The following DENND1A variants were observed in gnomAD, a reference collection of about 807,000 sequenced individuals.
DENND1A encodes DENN domain-containing protein 1A.
A neutral mutation model predicts 113.7 loss-of-function variants in DENND1A; 51 were observed. The observed-to-expected ratio is 0.45, with a 90% CI of 0.36 to 0.57. The LOEUF is 0.57. Among genes scored for constraint, DENND1A ranks in the 20% least tolerant of loss-of-function variants. The pLI, the probability that DENND1A is intolerant of heterozygous loss-of-function variation, is 0.00. For missense variants in DENND1A, 1,258 were observed against 1,395.9 expected (o/e 0.90, Z 1.57); for synonymous variants, 565 against 570.8 (o/e 0.99, Z 0.14).
intron 11 of DENND1A, among the ~76,000 whole-genome samples, chr9:123,588,408 C>A (rs564760587): frequency 3.8e-4 from 57 of 151,460 alleles, no homozygotes; most frequent in African/African-American, 1.3e-3. Context: ...CACCTGAGGT[C>A]AGGAGTTCAA....
At chr9:123,748,297 ATTTCT>A (rs965948152) in intron 5 of DENND1A, among the ~76,000 whole-genome samples, 9 of 152,290 alleles carry the variant, frequency 5.9e-5, no homozygotes, top group Admixed American at 2.0e-4. Flanking sequence ...GGGATGAGAG[ATTTCT>A]TTTCTTTTCT....
chr9:123,756,779 G>A (rs1435092732), intron 5 of DENND1A, among the ~76,000 whole-genome samples: 1 of 152,216 alleles, frequency 6.6e-6, no homozygotes, highest in African/African-American at 2.4e-5. Flanking sequence ...TTGATGAGAA[G>A]AAGAAAGTGC....
intron 22 of DENND1A, among the ~76,000 whole-genome samples, chr9:123,385,782 G>A (rs1410358722): frequency 6.6e-6 from 1 of 152,182 alleles, no homozygotes; most frequent in Non-Finnish European, 1.5e-5. Context: ...ACCCGCAAGA[G>A]GTGGAAATGG....
At chr9:123,696,516 T>C (rs73665337) in intron 5 of DENND1A, among the ~76,000 whole-genome samples, 3,068 of 152,232 alleles carry the variant, frequency 0.02, 103 homozygotes, top group African/African-American at 0.071. Context: ...CTGAATAGAA[T>C]AAAGCATTAC....
intron 1 of DENND1A, among the ~76,000 whole-genome samples, chr9:123,920,225 G>GT (rs2134147506): frequency 6.6e-6 from 1 of 152,310 alleles, no homozygotes; most frequent in African/African-American, 2.4e-5. Flanking sequence ...GAGGTCAGGA[G>GT]TTTGAGACCA....
intron 3 of DENND1A, among the ~76,000 whole-genome samples, chr9:123,787,194 G>A (rs1355077495): frequency 6.6e-6 from 1 of 151,970 alleles, no homozygotes; most frequent in East Asian, 1.9e-4. Context: ...TTTATCATTT[G>A]TTTTATACTT....
chr9:123,574,172 C>A (rs1011087453), intron 12 of DENND1A, among the ~76,000 whole-genome samples: 2 of 125,194 alleles, frequency 1.6e-5, no homozygotes, highest in African/African-American at 3.1e-5. Flanking sequence ...TCTGTAGTTG[C>A]CTTTTTTTTT....
At chr9:123,416,610 C>T (rs1024395287) in intron 19 of DENND1A, among the ~76,000 whole-genome samples, 5 of 152,206 alleles carry the variant, frequency 3.3e-5, no homozygotes, top group Admixed American at 2.0e-4. Flanking sequence ...GGGCCTTTGG[C>T]GATCTTTTGC....
chr9:123,862,958 A>G (rs73669005), intron 2 of DENND1A, among the ~76,000 whole-genome samples: 2,877 of 152,294 alleles, frequency 0.019, 95 homozygotes, highest in African/African-American at 0.066. Flanking sequence ...AAATACATCA[A>G]ATGGGAATCT....
Position 123,408,190 on chromosome 9 carries a change from A to C in DENND1A, c.1542+3586T>G, listed in dbSNP as rs547808610. On this transcript the variant is annotated intron_variant, in intron 20 of 23. Coordinates refer to ENST00000394215, the MANE Select transcript of DENND1A (RefSeq NM_001352964.2). Reference sequence around the variant, plus strand: ...CCCAGCAAAGCCACACTGGAGGCTGATGGCTCCTGACATGGGAGCTTGGTA... The same window carrying C: ...CCCAGCAAAGCCACACTGGAGGCTGCTGGCTCCTGACATGGGAGCTTGGTA... Among the ~76,000 whole-genome samples the C allele has an allele frequency of 2.0e-5, 3 of 152,272 alleles. No individual in the cohort carries two copies. In the South Asian group the frequency reaches 6.2e-4, roughly 32 times the overall value.
intron 4 of DENND1A, among the ~76,000 whole-genome samples, chr9:123,760,520 C>T (rs1043181635): frequency 1.3e-5 from 2 of 152,124 alleles, no homozygotes; most frequent in African/African-American, 4.8e-5. Context: ...TTAAAAGCAA[C>T]GTGGTCATAA....
intron 9 of DENND1A, among the ~76,000 whole-genome samples, chr9:123,645,965 T>C (rs16926730): frequency 0.037 from 5,642 of 152,292 alleles, 127 homozygotes; most frequent in African/African-American, 0.061. Flanking sequence ...GCTTATCCGG[T>C]TGTCTTCATT....
intron 19 of DENND1A, among the ~76,000 whole-genome samples, chr9:123,433,436 G>C (rs1037955514): frequency 1.3e-5 from 2 of 152,150 alleles, no homozygotes; most frequent in Admixed American, 6.5e-5. Context: ...GTGTGAGCCT[G>C]TGTGTGTACA....
chr9:123,402,880 A>C (rs2043607495), intron 21 of DENND1A, among the ~76,000 whole-genome samples: 2 of 152,196 alleles, frequency 1.3e-5, no homozygotes, highest in South Asian at 4.1e-4. Context: ...GGTGCTGGGC[A>C]TAACACCCAG....
intron 22 of DENND1A, among the ~76,000 whole-genome samples, chr9:123,385,354 G>A (rs901319889): frequency 4.7e-4 from 72 of 152,202 alleles, no homozygotes; most frequent in Non-Finnish European, 7.9e-4. Flanking sequence ...TAGTAGAGAC[G>A]GGGTTTCACT....
At chr9:123,666,055 G>A (rs2063479541) in intron 8 of DENND1A, among the ~76,000 whole-genome samples, 1 of 152,208 alleles carries the variant, frequency 6.6e-6, no homozygotes, top group Non-Finnish European at 1.5e-5. Context: ...AGGGGTTGGG[G>A]AGACAGGGTA....
intron 11 of DENND1A, among the ~76,000 whole-genome samples, chr9:123,602,433 G>C (rs1300144907): frequency 6.6e-6 from 1 of 152,130 alleles, no homozygotes; most frequent in Admixed American, 6.5e-5. Flanking sequence ...TGTGGATGCA[G>C]AGCGCCAATT....
intron 3 of DENND1A, among the ~76,000 whole-genome samples, chr9:123,784,717 G>A (rs1831847085): frequency 1.3e-5 from 2 of 152,120 alleles, no homozygotes; most frequent in African/African-American, 4.8e-5. Flanking sequence ...CCATTTCCTG[G>A]AGTCAGATTC....
chr9:123,789,952 G>A (rs1387676068), intron 3 of DENND1A, among the ~76,000 whole-genome samples: 1 of 151,550 alleles, frequency 6.6e-6, no homozygotes, highest in South Asian at 2.1e-4. Flanking sequence ...TGGTAGTTTA[G>A]GCGAATGAGA....
Sources: gnomAD v4.1 joint callset for allele counts (sites outside exome capture counted in the v4.1 genomes callset) on GRCh38, gnomAD v4.1.1 for gene constraint, MANE v1.5 for transcripts, NCBI Gene and HGNC (gene_info 2026-07-23, HGNC 2026-07-21) for gene names.